Variants in HSPA5 observed in about 807,000 individuals in gnomAD.
HSPA5 encodes the protein heat shock protein family A (Hsp70) member 5, also known as endoplasmic reticulum chaperone BiP.
HSPA5 carries 16 observed loss-of-function variants against 49.5 expected under a neutral mutation model. The ratio of observed to expected loss-of-function variants is 0.32; its 90% CI spans 0.22 to 0.49. The LOEUF is 0.49. Among genes scored for constraint, HSPA5 ranks in the 20% least tolerant of loss-of-function variants. The pLI, the probability that HSPA5 is intolerant of heterozygous loss-of-function variation, is 0.99. For synonymous variants in HSPA5, 271 were observed against 307.2 expected, an observed-to-expected ratio of 0.88 and a Z score of 1.23; for missense variants, 376 against 819.0, an observed-to-expected ratio of 0.46 and a Z score of 6.60.
At position 125,238,678 on chromosome 9, in the gene HSPA5, C is replaced by T. The variant is rs1254508116; in HGVS notation, c.1146G>A (p.Lys382=). The T allele has an allele frequency of 5.6e-6, 9 of 1,614,062 alleles. No homozygotes were observed. In the Admixed American group the frequency reaches 6.7e-5, roughly 12 times the overall value. The change falls in exon 6 of 8, where the codon AAG becomes AAA. Residue 382 remains lysine, a synonymous_variant. Coordinates refer to ENST00000324460, the MANE Select transcript of HSPA5 (RefSeq NM_005347.5). Reference sequence around the variant, plus strand: ...CTGGGTTTATGCCACGGGATGGTTCCTTGCCATTGAAGAACTCTTTAACCA... The same window carrying T: ...CTGGGTTTATGCCACGGGATGGTTCTTTGCCATTGAAGAACTCTTTAACCA... ...QQLVKEFFNG[K]EPSRGINPDE...
chr9:125,238,933 G>A lies in HSPA5; in HGVS notation c.996+8C>T, dbSNP rs1832530263. ...TCTCATTAGCAAAGCAGAAAACAAG[G>A]AACATACCATGTTGAGCTCTTCAAA... On this transcript the variant is annotated splice_region_variant and intron_variant, in intron 5 of 7. Coordinates refer to ENST00000324460, the MANE Select transcript of HSPA5 (RefSeq NM_005347.5). 3 of 1,605,870 alleles carry A rather than the reference G, an allele frequency of 1.9e-6. No homozygotes were observed. The highest frequency in any genetic ancestry group is 8.5e-7 in the Non-Finnish European group (1 of 1,175,914).
At chr9:125,237,224 T>A in intron 7 of HSPA5, 70 bp from the exon 8 acceptor site, 1 of 1,133,068 alleles carries the variant, frequency 8.8e-7, no homozygotes, top group Non-Finnish European at 1.3e-6. Flanking sequence ...ATCCCCGCAT[T>A]TCAGTCTGAA....
chr9:125,240,293 G>C lies in HSPA5; in HGVS notation c.371C>G (p.Thr124Ser). The C allele has an allele frequency of 1.2e-6, 2 of 1,603,396 alleles. No homozygotes were observed. The highest frequency in any genetic ancestry group is 1.7e-6 in the Non-Finnish European group (2 of 1,176,200). Residue 124 changes from threonine to serine, a missense_variant, in exon 3 of 8, where the codon ACT becomes AGT. Thr to Ser is a moderately conservative substitution (Grantham distance 58). Around this residue, in one of 8 missense-constraint regions of HSPA5, gnomAD observed 89 missense variants for 200.0 expected, o/e 0.44. Transcript: ENST00000324460. The surrounding 1 kb of genome is among the most constrained non-coding windows in gnomAD (Gnocchi z 4.4). ...AATATCAACTTGAATGTATGGTTTA[G>C]TTTTCTTTTCAACCACCTATTTTAA... Reference protein sequence around the residue: ...FLPFKVVEKKTKPYIQVDIGG... With the variant: ...FLPFKVVEKKSKPYIQVDIGG...
At position 125,240,812 on chromosome 9, in the gene HSPA5, T is replaced by TC; in HGVS notation, c.217dup (p.Glu73GlyfsTer22). The TC allele has an allele frequency of 6.2e-7, 1 of 1,614,174 alleles. No homozygotes were observed. Among genetic ancestry groups the TC allele is most frequent in the Non-Finnish European group, 8.5e-7 (1 of 1,180,018 alleles). ...CTTGGCGGCATCGCCAATCAGACGT[T>TC]CCCCTTCAGGAGTGAAGGCGACATA... On this transcript the variant is annotated frameshift_variant, in exon 2 of 8. Coordinates refer to ENST00000324460, the MANE Select transcript of HSPA5 (RefSeq NM_005347.5). LOFTEE classifies it high-confidence loss of function. The surrounding 1 kb of genome is among the most constrained non-coding windows in gnomAD (Gnocchi z 4.4).
intron 6 of HSPA5, 38 bp from the exon 7 acceptor site, chr9:125,238,346 TC>T: frequency 6.4e-7 from 1 of 1,556,876 alleles, no homozygotes; most frequent in Non-Finnish European, 8.8e-7. Flanking sequence ...ATTCAAGTTC[TC>T]CCTATGAGCT....
At position 125,241,325 on chromosome 9, in the gene HSPA5, T is replaced by C; in HGVS notation, c.-199A>G. 1.6e-6 allele frequency: 1 copy of C among 627,884 alleles called. No homozygotes were observed. Among genetic ancestry groups the C allele is most frequent in the Middle Eastern group, 4.4e-4 (1 of 2,298 alleles). 38.9% of individuals were successfully genotyped at this position (627,884 alleles called of 1,614,324 possible). ...ACACCCCAATAGGTCAATCTGTCTGTGCTGTCTTGGCCGGCGTCGACCTCA... is the reference window on the plus strand; with the variant it reads ...ACACCCCAATAGGTCAATCTGTCTGCGCTGTCTTGGCCGGCGTCGACCTCA... On this transcript the variant is annotated 5_prime_UTR_variant, in exon 1 of 8. Coordinates refer to ENST00000324460, the MANE Select transcript of HSPA5 (RefSeq NM_005347.5).
intron 7 of HSPA5, 35 bp downstream of exon 7, chr9:125,238,106 A>G (rs1193094263): frequency 7.0e-6 from 11 of 1,573,004 alleles, no homozygotes; most frequent in South Asian, 2.2e-5. Flanking sequence ...CATCTCAAAA[A>G]AAAAGCCATG....
intron 7 of HSPA5, 35 bp from the exon 8 acceptor site, chr9:125,237,189 T>TAACA: frequency 1.1e-5 from 16 of 1,453,512 alleles, no homozygotes; most frequent in Non-Finnish European, 1.5e-5. Context: ...TGTTAGTTGT[T>TAACA]ACTGACAAGC....
chr9:125,238,027 G>C, intron 7 of HSPA5, 114 bp downstream of exon 7: 1 of 774,598 alleles, frequency 1.3e-6, no homozygotes, highest in African/African-American at 1.7e-5. Flanking sequence ...ACTTGAACCC[G>C]GGAGACAGAA....
In HSPA5 at chr9:125,235,201, T is replaced by C. The variant is rs1832470586; in HGVS notation, c.*1391A>G. 1 of 151,928 alleles carries C rather than the reference T, an allele frequency of 6.6e-6. No individual in the cohort carries two copies. Among genetic ancestry groups the C allele is most frequent in the East Asian group, 2.0e-4 (1 of 5,110 alleles). The allele number at this position is 151,928 out of a possible 1,614,324, so 9.4% of individuals were successfully genotyped here. ...CTATAAAATACCTATCCTTGGGCAG[T>C]ATTGGATTCTTTTTTTTTTTTTTGA... is the stretch of plus-strand genomic sequence containing the variant. On this transcript the variant is annotated 3_prime_UTR_variant, in exon 8 of 8. Transcript: ENST00000324460.
At chr9:125,237,455 GTAA>G (rs1347400483) in intron 7 of HSPA5, among the ~76,000 whole-genome samples, 1 of 152,000 alleles carries the variant, frequency 6.6e-6, no homozygotes, top group African/African-American at 2.4e-5. Flanking sequence ...GCTCACACCT[GTAA>G]TAATCCCAGT....
chr9:125,239,654 G>A lies in HSPA5; in HGVS notation c.493-121C>T, dbSNP rs1350061344. On this transcript the variant is annotated intron_variant, in intron 3 of 7. Transcript: ENST00000324460. The surrounding 1 kb of genome is among the most constrained non-coding windows in gnomAD (Gnocchi z 5.5). ...AGCACTTTGGGAGGCTGAGGCAGGA[G>A]GATCACCTGAGGGCAGGATTTCAAG... 6.8e-6 allele frequency: 5 copies of A among 732,322 alleles called. No homozygotes were observed. Among genetic ancestry groups the A allele is most frequent in the Admixed American group, 2.2e-5 (1 of 45,600 alleles). 45.4% of individuals were successfully genotyped at this position (732,322 alleles called of 1,614,324 possible). A position where few individuals can be genotyped will look rare whatever the true frequency, so the allele number is the denominator to read the frequency against.
Position 125,236,754 on chromosome 9 carries a change from C to T in HSPA5, c.1803G>A (p.Lys601=), listed in dbSNP as rs1241673578. 6.2e-7 allele frequency: 1 copy of T among 1,613,654 alleles called. No homozygotes were observed. Among genetic ancestry groups the T allele is most frequent in the Non-Finnish European group, 8.5e-7 (1 of 1,179,822 alleles). The change falls in exon 8 of 8, where the codon AAG becomes AAA. Residue 601 remains lysine (K), a synonymous_variant. Coordinates refer to ENST00000324460, the MANE Select transcript of HSPA5 (RefSeq NM_005347.5). ...KETMEKAVEE[K]IEWLESHQDA... The stretch of plus-strand genomic sequence containing the variant: ...CTTGGTGGCTTTCCAGCCATTCAAT[C>T]TTTTCTTCTACAGCTTTTTCCATGG...
In HSPA5 at chr9:125,236,675, G is replaced by T; in HGVS notation, c.1882C>A (p.Gln628Lys). The change falls in exon 8 of 8, where the codon CAA becomes AAA. Residue 628 changes from glutamine to lysine, a missense_variant. By Grantham distance (53) the Gln-to-Lys change is moderately conservative. Transcript: ENST00000324460. The stretch of plus-strand genomic sequence containing the variant: ...CCATAGAGTTTGCTGATAATTGGTT[G>T]AACAATTTCTTCCAGTTCCTTCTTC... ...AKKKELEEIV[Q>K]PIISKLYGSA... is the part of the protein sequence containing the mutation. The T allele has an allele frequency of 6.2e-7, 1 of 1,613,688 alleles. No individual in the cohort carries two copies. Among genetic ancestry groups the T allele is most frequent in the Non-Finnish European group, 8.5e-7 (1 of 1,179,720 alleles).
rs751439535 is a variant in HSPA5 at position 125,239,504 on chromosome 9, G to C, written c.522C>G (p.Ala174=). Residue 174 remains alanine (A), a synonymous_variant, in exon 4 of 8, where the codon GCC becomes GCG. Transcript: ENST00000324460. The surrounding 1 kb of genome is among the most constrained non-coding windows in gnomAD (Gnocchi z 5.5). ...KVTHAVVTVP[A]YFNDAQRQAT... ...CTTGGCGTTGGGCATCATTAAAATA[G>C]GCTGGTACAGTAACAACTGCATGGG... 13 of 1,613,736 alleles carry C rather than the reference G, an allele frequency of 8.1e-6. No individual in the cohort carries two copies. Among genetic ancestry groups the C allele is most frequent in the South Asian group, 1.1e-5 (1 of 91,068 alleles).
Position 125,235,797 on chromosome 9 carries a change from T to C in HSPA5, c.*795A>G, listed in dbSNP as rs1183401614. 1.3e-5 allele frequency: 2 copies of C among 152,240 alleles called. No individual in the cohort carries two copies. The highest frequency in any genetic ancestry group is 2.9e-5 in the Non-Finnish European group (2 of 68,024). 9.4% of individuals were successfully genotyped at this position (152,240 alleles called of 1,614,324 possible). On this transcript the variant is annotated 3_prime_UTR_variant, in exon 8 of 8. Coordinates refer to ENST00000324460, the MANE Select transcript of HSPA5 (RefSeq NM_005347.5). Reference sequence around the variant, plus strand: ...ACCAGTGATCACTCACTCCCCATCATTTCTCAGAGAATCCAAGCAGCTATA... The same window carrying C: ...ACCAGTGATCACTCACTCCCCATCACTTCTCAGAGAATCCAAGCAGCTATA...
At chr9:125,238,044 G>A in intron 7 of HSPA5, 97 bp downstream of exon 7, 3 of 901,016 alleles carry the variant, frequency 3.3e-6, no homozygotes, top group Non-Finnish European at 5.3e-6. Context: ...AGAATTTGCA[G>A]TGAGCCGAGA....
At position 125,241,128 on chromosome 9, in the gene HSPA5, T is replaced by C. The variant is rs1832560172; in HGVS notation, c.-2A>G. 3.1e-6 allele frequency: 5 copies of C among 1,610,342 alleles called. No individual in the cohort carries two copies. Among genetic ancestry groups the C allele is most frequent in the South Asian group, 1.1e-5 (1 of 90,668 alleles). Reference sequence around the variant, plus strand: ...CGCGGCCACCAGGGAGAGCTTCATCTTGCCAGCCAGTTGGGCAGCAGCAGG... The same window carrying C: ...CGCGGCCACCAGGGAGAGCTTCATCCTGCCAGCCAGTTGGGCAGCAGCAGG... On this transcript the variant is annotated 5_prime_UTR_variant, in exon 1 of 8. Coordinates refer to ENST00000324460, the MANE Select transcript of HSPA5 (RefSeq NM_005347.5).
chr9:125,238,133 G>GTT lies in HSPA5; in HGVS notation c.1402+7_1402+8insAA, dbSNP rs777879565. ...AAAGCCATGATATTAACAAACTTAA[G>GTT]TAATTACCTTCATAGACCTTGATTG... On this transcript the variant is annotated splice_region_variant and intron_variant, in intron 7 of 7. Coordinates refer to ENST00000324460, the MANE Select transcript of HSPA5 (RefSeq NM_005347.5). The GTT allele has an allele frequency of 6.2e-7, 1 of 1,608,626 alleles. No homozygotes were observed. The highest frequency in any genetic ancestry group is 1.3e-5 in the African/African-American group (1 of 74,732).
Sources: allele counts gnomAD v4.1 joint callset (sites outside exome capture counted in the v4.1 genomes callset), GRCh38; gene constraint gnomAD v4.1.1; regional missense constraint gnomAD v4.1.1; non-coding constraint Gnocchi (gnomAD v3.1); transcripts MANE v1.5; gene names NCBI Gene and HGNC (gene_info 2026-07-23, HGNC 2026-07-21).